METTL24: variants seen among roughly 807,000 people sequenced by gnomAD.
METTL24 encodes the protein methyltransferase like 24.
A neutral mutation model predicts 32.7 loss-of-function variants in METTL24; 29 were observed. The ratio of observed to expected loss-of-function variants is 0.89; its 90% CI spans 0.66 to 1.21. METTL24 has a LOEUF of 1.21. Among genes scored for constraint, METTL24 ranks in the 50% most tolerant of loss-of-function variants. The probability of loss-of-function intolerance (pLI) is 0.00; values close to 1 mark genes in which losing one functional copy is unlikely to be tolerated. For synonymous variants in METTL24, 163 were observed against 179.5 expected (o/e 0.91, Z 0.73); for missense variants, 439 against 468.1 (o/e 0.94, Z 0.57).
chr6:110,261,584 A>G (rs1445617230), intron 4 of METTL24, among the ~76,000 whole-genome samples: 1 of 152,214 alleles, frequency 6.6e-6, no homozygotes, highest in African/African-American at 2.4e-5. Context: ...AAGGATATCC[A>G]GGAATTGAAC....
At chr6:110,356,189 A>C (rs1324321866) in intron 1 of METTL24, among the ~76,000 whole-genome samples, 1 of 152,178 alleles carries the variant, frequency 6.6e-6, no homozygotes, top group African/African-American at 2.4e-5. Context: ...CACGCCTGTA[A>C]TTCCAGCACT....
At chr6:110,303,634 G>T (rs1164794995) in intron 3 of METTL24, among the ~76,000 whole-genome samples, 2 of 152,176 alleles carry the variant, frequency 1.3e-5, no homozygotes, top group Non-Finnish European at 2.9e-5. Context: ...CTCTGGGCAG[G>T]GCATCCCTGA....
intron 3 of METTL24, among the ~76,000 whole-genome samples, chr6:110,304,824 T>C (rs1368320928): frequency 6.6e-6 from 1 of 152,092 alleles, no homozygotes; most frequent in African/African-American, 2.4e-5. Context: ...AAGATACTCT[T>C]TGAGAAGAGC....
At chr6:110,297,239 T>C (rs981015546) in intron 4 of METTL24, among the ~76,000 whole-genome samples, 9 of 152,226 alleles carry the variant, frequency 5.9e-5, no homozygotes, top group Non-Finnish European at 7.3e-5. Flanking sequence ...TCTCATGCTT[T>C]ATCCTTAGCA....
At chr6:110,298,891 T>C (rs767606685) in intron 4 of METTL24, 31 bp downstream of exon 4, 1 of 1,594,960 alleles carries the variant, frequency 6.3e-7, no homozygotes, top group Non-Finnish European at 8.6e-7. Context: ...GTTTACTTTA[T>C]TCAAGTATAA....
At chr6:110,261,522 C>T (rs1770730400) in intron 4 of METTL24, among the ~76,000 whole-genome samples, 1 of 152,196 alleles carries the variant, frequency 6.6e-6, no homozygotes, top group Admixed American at 6.5e-5. Flanking sequence ...TAATGGGAGA[C>T]TTTAACACAC....
chr6:110,335,212 T>C (rs1378035188), intron 1 of METTL24, among the ~76,000 whole-genome samples: 1 of 152,200 alleles, frequency 6.6e-6, no homozygotes, highest in African/African-American at 2.4e-5. Context: ...GGTTTGCTGC[T>C]GTGGAACTCT....
intron 3 of METTL24, among the ~76,000 whole-genome samples, chr6:110,307,730 A>G (rs930964139): frequency 1.3e-5 from 2 of 152,234 alleles, no homozygotes. Context: ...CAAAAAAAGA[A>G]AGGGAGAATA....
intron 1 of METTL24, among the ~76,000 whole-genome samples, chr6:110,327,426 G>A (rs1318317988): frequency 6.6e-6 from 1 of 152,178 alleles, no homozygotes; most frequent in Non-Finnish European, 1.5e-5. Flanking sequence ...CCAACTGAGT[G>A]TTGACCACAA....
intron 4 of METTL24, 51 bp from the exon 5 acceptor site, chr6:110,246,311 A>AGTAAAC: frequency 1.4e-6 from 2 of 1,466,146 alleles, no homozygotes; most frequent in Non-Finnish European, 1.8e-6. Flanking sequence ...AACTATCTTG[A>AGTAAAC]TATCAGGAGT....
At chr6:110,329,657 C>T (rs1411204610) in intron 1 of METTL24, among the ~76,000 whole-genome samples, 2 of 152,116 alleles carry the variant, frequency 1.3e-5, no homozygotes, top group Non-Finnish European at 2.9e-5. Context: ...AGGGGAGTGC[C>T]GGGTGCAGTT....
intron 4 of METTL24, among the ~76,000 whole-genome samples, chr6:110,283,432 C>T (rs976508164): frequency 4.6e-5 from 7 of 152,102 alleles, no homozygotes; most frequent in African/African-American, 1.7e-4. Flanking sequence ...CAAGAAGAAG[C>T]TAACAAATCC....
At chr6:110,253,980 CA>C (rs2114693338) in intron 4 of METTL24, 2 of 1,341,370 alleles carry the variant, frequency 1.5e-6, no homozygotes, top group South Asian at 4.6e-5. Flanking sequence ...GACCTCAACT[CA>C]AGAGCAGCTC....
At chr6:110,278,146 G>GCC (rs1421139630) in intron 4 of METTL24, among the ~76,000 whole-genome samples, 1 of 152,056 alleles carries the variant, frequency 6.6e-6, no homozygotes, top group Non-Finnish European at 1.5e-5. Context: ...ATTCTTTCAG[G>GCC]CCAAGGTAAT....
chr6:110,355,539 C>T (rs894705281), intron 1 of METTL24, among the ~76,000 whole-genome samples: 42 of 152,126 alleles, frequency 2.8e-4, no homozygotes, highest in African/African-American at 9.7e-4. Flanking sequence ...TTGTTAGCCA[C>T]ACTCACTTCC....
In METTL24 at chr6:110,358,191, G is replaced by T. The variant is rs761694002; in HGVS notation, c.82C>A (p.Arg28=). The T allele has an allele frequency of 6.9e-7, 1 of 1,443,666 alleles. No individual in the cohort carries two copies. The highest frequency in any genetic ancestry group is 3.1e-5 in the East Asian group (1 of 32,688). 89.4% of individuals were successfully genotyped at this position (1,443,666 alleles called of 1,614,324 possible). A position where few individuals can be genotyped will look rare whatever the true frequency, so the allele number is the denominator to read the frequency against. The change falls in exon 1 of 5, where the codon CGG becomes AGG. Residue 28 remains arginine, a synonymous_variant. Coordinates refer to ENST00000338882, the MANE Select transcript of METTL24 (RefSeq NM_001123364.3). Reference sequence around the variant, plus strand: ...GCGCGCCGCAGCTCTGCGCAGAGCCGCAGGCCGAACAACAGCACAGCCCCG... The same window carrying T: ...GCGCGCCGCAGCTCTGCGCAGAGCCTCAGGCCGAACAACAGCACAGCCCCG... ...LLGAVLLFGL[R]LCAELRRAGP...
At chr6:110,268,998 T>C (rs1040515549) in intron 4 of METTL24, among the ~76,000 whole-genome samples, 11 of 152,116 alleles carry the variant, frequency 7.2e-5, no homozygotes, top group Non-Finnish European at 1.6e-4. Flanking sequence ...TCATATCACA[T>C]GTTAAATTGT....
intron 1 of METTL24, among the ~76,000 whole-genome samples, chr6:110,351,808 T>C (rs1292331675): frequency 6.6e-6 from 1 of 152,220 alleles, no homozygotes; most frequent in African/African-American, 2.4e-5. Flanking sequence ...TGTATTATAA[T>C]AGCACTTGAG....
At chr6:110,332,908 CGA>C (rs1491155960) in intron 1 of METTL24, among the ~76,000 whole-genome samples, 8 of 140,262 alleles carry the variant, frequency 5.7e-5, no homozygotes, top group Non-Finnish European at 1.1e-4. Flanking sequence ...CAACATTTAT[CGA>C]AAAAAAAAAA....
Sources: allele counts gnomAD v4.1 joint callset (sites outside exome capture counted in the v4.1 genomes callset), GRCh38; gene constraint gnomAD v4.1.1; transcripts MANE v1.5; gene names NCBI Gene and HGNC (gene_info 2026-07-23, HGNC 2026-07-21).